The following FADS3 variants were observed in gnomAD, a reference collection of about 807,000 sequenced individuals.
FADS3 encodes cytochrome b5-related protein.
In FADS3, 30 loss-of-function variants were observed where a neutral mutation model predicts 60.4. That is an observed-to-expected ratio of 0.50 (90% CI 0.37 to 0.67). FADS3 has a LOEUF of 0.67. FADS3 is among the 30% of genes least tolerant of loss of function. The pLI is 0.00. For missense variants in FADS3, 432 were observed against 598.3 expected, an observed-to-expected ratio of 0.72 and a Z score of 2.90; for synonymous variants, 234 against 249.3, an observed-to-expected ratio of 0.94 and a Z score of 0.58.
At chr11:61,890,298 G>C (rs981758434) in intron 1 of FADS3, 1 of 152,210 alleles carries the variant, frequency 6.6e-6, no homozygotes, top group East Asian at 1.9e-4. Context: ...GAGGGACGCC[G>C]ACAGTCCTGG....
chr11:61,885,255 C>T (rs958272457), intron 1 of FADS3, among the ~76,000 whole-genome samples: 1 of 152,138 alleles, frequency 6.6e-6, no homozygotes, highest in Non-Finnish European at 1.5e-5. Flanking sequence ...TGTCCCAGAG[C>T]CAGCCTGCCC....
In FADS3 at chr11:61,876,038, A is replaced by C. The variant is rs761300339; in HGVS notation, c.1161-62T>G. The stretch of plus-strand genomic sequence containing the variant: ...GAGATTCCAGAGAGAGGCCCCACCC[A>C]CGGGTCCCCTCCCAGGATCCCCTCC... On this transcript the variant is annotated intron_variant, in intron 10 of 11. Coordinates refer to ENST00000278829, the MANE Select transcript of FADS3 (RefSeq NM_021727.5). This position sits in a 1 kb window ranked among gnomAD's most constrained non-coding sequence, Gnocchi z 5.7. 7 of 1,610,462 alleles carry C rather than the reference A, an allele frequency of 4.3e-6. No individual in the cohort carries two copies. Among genetic ancestry groups the C allele is most frequent in the Non-Finnish European group, 5.1e-6 (6 of 1,178,292 alleles).
Position 61,877,734 on chromosome 11 carries a change from A to C in FADS3, c.809-147T>G, listed in dbSNP as rs1937961731. ...AGCTGAATGACCCCATATCACCCCC[A>C]ATTCTGTGTCCAAGCCTCCCCAGGC... On this transcript the variant is annotated intron_variant, in intron 6 of 11. Transcript: ENST00000278829. The surrounding 1 kb of genome is among the most constrained non-coding windows in gnomAD (Gnocchi z 4.7). 1.9e-5 allele frequency: 14 copies of C among 718,186 alleles called. No individual in the cohort carries two copies. Among genetic ancestry groups the C allele is most frequent in the Non-Finnish European group, 3.3e-5 (14 of 423,416 alleles). The allele number at this position is 718,186 out of a possible 1,614,324, so 44.5% of individuals were successfully genotyped here. A position where few individuals can be genotyped will look rare whatever the true frequency, so the allele number is the denominator to read the frequency against.
At position 61,876,990 on chromosome 11, in the gene FADS3, G is replaced by C. The variant is rs754712144; in HGVS notation, c.886-27C>G. On this transcript the variant is annotated intron_variant, in intron 7 of 11. Coordinates refer to ENST00000278829, the MANE Select transcript of FADS3 (RefSeq NM_021727.5). This position sits in a 1 kb window ranked among gnomAD's most constrained non-coding sequence, Gnocchi z 5.7. ...TGCAGAGGAGGGCAGAGGCGATACC[G>C]AGAGGTCTCCAGGTGCCCGGAGGTC... 2 of 1,529,610 alleles carry C rather than the reference G, an allele frequency of 1.3e-6. No homozygotes were observed. Among genetic ancestry groups the C allele is most frequent in the Non-Finnish European group, 1.8e-6 (2 of 1,129,534 alleles). 94.8% of individuals were successfully genotyped at this position (1,529,610 alleles called of 1,614,324 possible). A position where few individuals can be genotyped will look rare whatever the true frequency, so the allele number is the denominator to read the frequency against.
In FADS3 at chr11:61,878,737, C is replaced by T. The variant is rs532210945; in HGVS notation, c.624+9G>A. ...CCAGCACCTGGCTGACCACCCACCC[C>T]ACCCTCACCTTTAGCTGCCCCATCA... On this transcript the variant is annotated intron_variant, in intron 4 of 11. Transcript: ENST00000278829. The T allele has an allele frequency of 1.1e-4, 178 of 1,613,698 alleles. 1 individual carries two copies. In the South Asian group the frequency reaches 1.9e-3, roughly 17 times the overall value.
rs567647210 is a variant in FADS3 at position 61,876,119 on chromosome 11, G to A, written c.1152C>T (p.Ile384=). The A allele has an allele frequency of 2.2e-5, 36 of 1,609,096 alleles. No homozygotes were observed. In the African/African-American group the frequency reaches 3.3e-4, roughly 15 times the overall value. Residue 384 remains isoleucine, a synonymous_variant, in exon 10 of 12, where the codon ATC becomes ATT. Transcript: ENST00000278829. The surrounding 1 kb of genome is among the most constrained non-coding windows in gnomAD (Gnocchi z 5.7). ...CCAGCACCCACACTCACTGGTGCTC[G>A]ATCTGGAAGTTGAGGTGCCCGCTGA... is the stretch of plus-strand genomic sequence containing the variant. ...NWFSGHLNFQ[I]EHHLFPRMPR... is the part of the protein sequence containing the mutation.
chr11:61,874,009 C>T, intron 11 of FADS3, 144 bp from the exon 12 acceptor site: 1 of 611,406 alleles, frequency 1.6e-6, no homozygotes, highest in African/African-American at 1.9e-5. Flanking sequence ...GCGATGCGGG[C>T]TGGAGGGTGG....
Position 61,876,045 on chromosome 11 carries a change from C to T in FADS3, c.1160+66G>A, listed in dbSNP as rs534213131. On this transcript the variant is annotated intron_variant, in intron 10 of 11. Transcript: ENST00000278829. This position sits in a 1 kb window ranked among gnomAD's most constrained non-coding sequence, Gnocchi z 5.7. ...CAGAGAGAGGCCCCACCCACGGGTC[C>T]CCTCCCAGGATCCCCTCCCAGGACC... 9 of 1,609,370 alleles carry T rather than the reference C, an allele frequency of 5.6e-6. No homozygotes were observed. In the South Asian group the frequency reaches 6.6e-5, roughly 12 times the overall value.
rs1379007781 is a variant in FADS3 at position 61,879,496 on chromosome 11, T to C, written c.338A>G (p.Glu113Gly). The C allele has an allele frequency of 1.3e-6, 2 of 1,583,648 alleles. No individual in the cohort carries two copies. The highest frequency in any genetic ancestry group is 1.3e-5 in the African/African-American group (1 of 74,514). ...TGCCTGGTGCAGGGCTCGGAAGTCC[T>C]CGACCAGCTGCGCCTGCCATAGCAG... ...QDGPLNAQLV[E>G]DFRALHQAAE... The change falls in exon 3 of 12, where the codon GAG (glutamate) becomes GGG (glycine). Residue 113 changes from glutamate to glycine, a missense_variant. Around this residue, in one of 5 missense-constraint regions of FADS3, gnomAD observed 167 missense variants for 188.8 expected, o/e 0.88. Coordinates refer to ENST00000278829, the MANE Select transcript of FADS3 (RefSeq NM_021727.5).
Position 61,875,727 on chromosome 11 carries a change from G to A in FADS3, c.1286+124C>T, listed in dbSNP as rs1937850660. On this transcript the variant is annotated intron_variant, in intron 11 of 11. Coordinates refer to ENST00000278829, the MANE Select transcript of FADS3 (RefSeq NM_021727.5). ...GCGTGAAGGCTGGGGAAGGGAGGAA[G>A]GGCATGGGACGTGGACAGAAAGGCT... is the stretch of plus-strand genomic sequence containing the variant. The A allele has an allele frequency of 2.6e-6, 3 of 1,167,454 alleles. No homozygotes were observed. In the East Asian group the frequency reaches 7.2e-5, roughly 28 times the overall value. 72.3% of individuals were successfully genotyped at this position (1,167,454 alleles called of 1,614,324 possible).
intron 1 of FADS3, chr11:61,881,961 G>T: frequency 6.6e-6 from 1 of 152,220 alleles, no homozygotes; most frequent in Non-Finnish European, 1.5e-5. Flanking sequence ...AGCAAAACTG[G>T]TAGAAAAAAG....
At chr11:61,889,970 C>G (rs1483976887) in intron 1 of FADS3, among the ~76,000 whole-genome samples, 1 of 152,218 alleles carries the variant, frequency 6.6e-6, no homozygotes, top group South Asian at 2.1e-4. Flanking sequence ...CTCGCCACGC[C>G]CTGGCAGAAA....
chr11:61,891,361 C>T lies in FADS3; in HGVS notation c.21G>A (p.Pro7=). Residue 7 remains proline, a synonymous_variant, in exon 1 of 12, where the codon CCG becomes CCA. Transcript: ENST00000278829. ...GCTGCGCGGGTCCCTCCCGCGGTCCCGGCTCCCCGACGCCGCCCATGCTGC... is the reference window on the plus strand; with the variant it reads ...GCTGCGCGGGTCCCTCCCGCGGTCCTGGCTCCCCGACGCCGCCCATGCTGC... MGGVGE[P]GPREGPAQPG... 2 of 1,485,290 alleles carry T rather than the reference C, an allele frequency of 1.3e-6. No homozygotes were observed. The highest frequency in any genetic ancestry group is 1.8e-6 in the Non-Finnish European group (2 of 1,122,798). The allele number at this position is 1,485,290 out of a possible 1,614,324, so 92.0% of individuals were successfully genotyped here.
chr11:61,875,810 G>C, intron 11 of FADS3, 41 bp downstream of exon 11: 1 of 1,600,274 alleles, frequency 6.2e-7, no homozygotes, highest in East Asian at 2.2e-5. Context: ...CATAGGCCCT[G>C]GGGAAGCCAC....
rs1937978056 is a variant in FADS3 at position 61,878,090 on chromosome 11, G to C, written c.808+65C>G. On this transcript the variant is annotated intron_variant, in intron 6 of 11. Coordinates refer to ENST00000278829, the MANE Select transcript of FADS3 (RefSeq NM_021727.5). The stretch of plus-strand genomic sequence containing the variant: ...CAGGAAGTGGCTGGGAGTGGTCCAG[G>C]ACAGCAGGGAGGACAGTGCAGGCCC... 5 of 1,469,028 alleles carry C rather than the reference G, an allele frequency of 3.4e-6. No homozygotes were observed. The African/African-American group carries it at 6.9e-5, about 20-fold the overall frequency. 91.0% of individuals were successfully genotyped at this position (1,469,028 alleles called of 1,614,324 possible). A position where few individuals can be genotyped will look rare whatever the true frequency, so the allele number is the denominator to read the frequency against.
At chr11:61,880,780 T>G (rs1237961524) in intron 1 of FADS3, 4 of 152,112 alleles carry the variant, frequency 2.6e-5, no homozygotes, top group African/African-American at 9.7e-5. Flanking sequence ...GAGACAGTCT[T>G]GCTCTGTTGC....
chr11:61,882,551 C>G (rs1938174247), intron 1 of FADS3: 1 of 151,880 alleles, frequency 6.6e-6, no homozygotes, highest in Non-Finnish European at 1.5e-5. Context: ...TCCCCAGCAG[C>G]TAGGACTACA....
chr11:61,887,775 T>C (rs761994336), intron 1 of FADS3, among the ~76,000 whole-genome samples: 1 of 152,184 alleles, frequency 6.6e-6, no homozygotes, highest in East Asian at 1.9e-4. Flanking sequence ...GAGTCAAACA[T>C]TGAAGAATCA....
At chr11:61,875,770 C>G in intron 11 of FADS3, 81 bp downstream of exon 11, 2 of 1,534,626 alleles carry the variant, frequency 1.3e-6, no homozygotes, top group Non-Finnish European at 1.8e-6. Flanking sequence ...CCTGGGGGCT[C>G]AGCATGAGGC....
Sources: gnomAD v4.1 joint callset for allele counts (sites outside exome capture counted in the v4.1 genomes callset) on GRCh38, gnomAD v4.1.1 for gene constraint, gnomAD v4.1.1 regional missense constraint, Gnocchi (gnomAD v3.1) non-coding constraint, MANE v1.5 for transcripts, NCBI Gene and HGNC (gene_info 2026-07-23, HGNC 2026-07-21) for gene names.